The following RAP1A variants were observed in gnomAD, a reference collection of about 807,000 sequenced individuals.
RAP1A encodes the protein RAP1A, member of RAS oncogene family.
RAP1A carries 6 observed loss-of-function variants against 26.4 expected under a neutral mutation model. The observed-to-expected ratio is 0.23, with a 90% confidence interval of 0.12 to 0.45. RAP1A has a LOEUF of 0.45. Ranked by LOEUF, RAP1A falls within the 20% of genes least tolerant of loss-of-function variation. The probability of loss-of-function intolerance (pLI) is 0.99; values close to 1 mark genes in which losing one functional copy is unlikely to be tolerated. For synonymous variants in RAP1A, 73 were observed against 79.4 expected (o/e 0.92, Z 0.43); for missense variants, 121 against 217.2 (o/e 0.56, Z 2.78).
chr1:111,631,111 T>G (rs1405644106), intron 1 of RAP1A, among the ~76,000 whole-genome samples: 1 of 152,208 alleles, frequency 6.6e-6, no homozygotes, highest in Non-Finnish European at 1.5e-5. Context: ...CTTTGACCAG[T>G]GATTATATTG....
rs924923366 is a variant in RAP1A, at chr1:111,704,129, A to G, written c.325-214A>G. On this transcript the variant is annotated intron_variant, in intron 5 of 7. Transcript: ENST00000369709. ...ATTCTTAAAATAATTTGGCATATCT[A>G]TGTAGTAGGATCTCTTCCATTTTTT... Among the ~76,000 whole-genome samples the G allele has an allele frequency of 4.7e-5, 7 of 148,560 alleles. No individual in the cohort carries two copies. In the South Asian group the frequency reaches 1.1e-3, roughly 23 times the overall value.
At chr1:111,589,389 A>T (rs1658431444) in intron 1 of RAP1A, among the ~76,000 whole-genome samples, 2 of 152,208 alleles carry the variant, frequency 1.3e-5, no homozygotes, top group African/African-American at 4.8e-5. Flanking sequence ...AGTCAAGCCT[A>T]GGCAACATAG....
chr1:111,638,475 T>C (rs1404159743), intron 1 of RAP1A, among the ~76,000 whole-genome samples: 3 of 152,200 alleles, frequency 2.0e-5, no homozygotes, highest in Admixed American at 1.3e-4. Context: ...AGAATCTTAA[T>C]CCTACCCCCG....
At chr1:111,601,589 C>G (rs952007849) in intron 1 of RAP1A, among the ~76,000 whole-genome samples, 10 of 152,108 alleles carry the variant, frequency 6.6e-5, no homozygotes, top group African/African-American at 2.4e-4. Context: ...AGTAGAGAAA[C>G]AAACACTCAG....
rs1471645617 is a variant in RAP1A, at chr1:111,713,764, A to G, written c.*1363A>G. The G allele has an allele frequency of 6.6e-6, 1 of 152,216 alleles. No homozygotes were observed. The highest frequency in any genetic ancestry group is 2.4e-5 in the African/African-American group (1 of 41,464). 9.4% of individuals were successfully genotyped at this position (152,216 alleles called of 1,614,324 possible). A position where few individuals can be genotyped will look rare whatever the true frequency, so the allele number is the denominator to read the frequency against. On this transcript the variant is annotated 3_prime_UTR_variant, in exon 8 of 8. Transcript: ENST00000369709. ...AGTTATTTTCCTCTTTACAAAAGAT[A>G]GGGCTTAAGTAAGACATGGACCCAG...
At chr1:111,659,782 T>TA (rs1239596803) in intron 1 of RAP1A, among the ~76,000 whole-genome samples, 1 of 152,182 alleles carries the variant, frequency 6.6e-6, no homozygotes, top group Non-Finnish European at 1.5e-5. Context: ...TACTTTTTTT[T>TA]ACTAGTTGCC....
At chr1:111,671,459 C>T (rs1660971150) in intron 1 of RAP1A, among the ~76,000 whole-genome samples, 1 of 151,734 alleles carries the variant, frequency 6.6e-6, no homozygotes, top group South Asian at 2.1e-4. Context: ...GTCAAGTATA[C>T]TATTTTCTTT....
intron 1 of RAP1A, chr1:111,648,842 C>G (rs1660166324): frequency 1.4e-6 from 1 of 718,472 alleles, no homozygotes; most frequent in South Asian, 1.4e-5. Context: ...CTGCCATGAT[C>G]TTGCTGTCCT....
intron 4 of RAP1A, among the ~76,000 whole-genome samples, chr1:111,698,691 A>G (rs868638680): frequency 1.3e-5 from 2 of 152,242 alleles, no homozygotes; most frequent in African/African-American, 2.4e-5. Context: ...GAGTGATTTT[A>G]TACAACAATA....
intron 1 of RAP1A, chr1:111,686,517 A>G (rs1454855297): frequency 6.6e-6 from 1 of 151,546 alleles, no homozygotes; most frequent in South Asian, 2.1e-4. Flanking sequence ...GCAAAAGAGA[A>G]AAAAAAAGAA....
intron 7 of RAP1A, among the ~76,000 whole-genome samples, chr1:111,712,112 TCTTC>T (rs1662403171): frequency 6.6e-6 from 1 of 152,174 alleles, no homozygotes; most frequent in Non-Finnish European, 1.5e-5. Context: ...AATATCATTG[TCTTC>T]CTTTGTACAG....
intron 1 of RAP1A, chr1:111,650,546 T>G (rs912528764): frequency 6.6e-6 from 1 of 152,172 alleles, no homozygotes; most frequent in Non-Finnish European, 1.5e-5. Context: ...ATGACTTAAT[T>G]TTTTTAGAGC....
chr1:111,672,956 C>T (rs897786029), intron 1 of RAP1A, among the ~76,000 whole-genome samples: 4 of 152,134 alleles, frequency 2.6e-5, no homozygotes, highest in Non-Finnish European at 5.9e-5. Context: ...TCTGCTGTTA[C>T]TTTGGGTCTG....
At position 111,596,425 on chromosome 1, in the gene RAP1A, T is replaced by C. The variant is rs551635917; in HGVS notation, c.-28+53916T>C. 1.6e-4 allele frequency among the ~76,000 whole-genome samples: 25 copies of C among 152,356 alleles called. No homozygotes were observed. The East Asian group carries it at 3.9e-3, about 23-fold the overall frequency. Reference sequence around the variant, plus strand: ...ATGGAAACTATTGCTTCTTGGTGCATTTTTTAAAGGAATGGTTAAATTATA... The same window carrying C: ...ATGGAAACTATTGCTTCTTGGTGCACTTTTTAAAGGAATGGTTAAATTATA... On this transcript the variant is annotated intron_variant, in intron 1 of 7. Coordinates refer to the RAP1A transcript ENST00000356415.
At chr1:111,637,794 A>G (rs959483149) in intron 1 of RAP1A, among the ~76,000 whole-genome samples, 24 of 152,154 alleles carry the variant, frequency 1.6e-4, no homozygotes, top group African/African-American at 5.5e-4. Context: ...TGAATTTGCC[A>G]TCATTTGTTT....
chr1:111,593,460 T>G (rs1226985379), intron 1 of RAP1A, among the ~76,000 whole-genome samples: 1 of 152,060 alleles, frequency 6.6e-6, no homozygotes, highest in African/African-American at 2.4e-5. Flanking sequence ...TTCAAAACCT[T>G]ATCTTGAAGT....
chr1:111,543,425 A>T lies in RAP1A; in HGVS notation c.-28+916A>T, dbSNP rs547434682. ...AAATACCATCTCCCGTCTATTCGCC[A>T]CTCAGCAACCAGAGTGATCTCTTAG... On this transcript the variant is annotated intron_variant, in intron 1 of 7. Coordinates refer to the RAP1A transcript ENST00000356415. Among the ~76,000 whole-genome samples, 5 of 152,318 alleles carry T rather than the reference A, an allele frequency of 3.3e-5. No homozygotes were observed. The South Asian group carries it at 1.0e-3, about 32-fold the overall frequency.
At chr1:111,692,927 A>G (rs1661713165) in intron 2 of RAP1A, among the ~76,000 whole-genome samples, 2 of 152,180 alleles carry the variant, frequency 1.3e-5, no homozygotes, top group South Asian at 4.1e-4. Context: ...ATCACTGCAT[A>G]GCCTTTTGTG....
chr1:111,613,344 C>T (rs1177650775), intron 1 of RAP1A, among the ~76,000 whole-genome samples: 2 of 152,014 alleles, frequency 1.3e-5, no homozygotes, highest in African/African-American at 2.4e-5. Context: ...GGACTACAGG[C>T]GCCCGCCACC....
Sources: gnomAD v4.1 joint callset for allele counts (sites outside exome capture counted in the v4.1 genomes callset) on GRCh38, gnomAD v4.1.1 for gene constraint, MANE v1.5 for transcripts, NCBI Gene and HGNC (gene_info 2026-07-23, HGNC 2026-07-21) for gene names.